CC2D2B: variants seen among roughly 807,000 people sequenced by gnomAD.
CC2D2B encodes the protein protein CC2D2B.
In CC2D2B, 128 loss-of-function variants were observed where a neutral mutation model predicts 161.2. The ratio of observed to expected loss-of-function variants is 0.79; its 90% CI spans 0.69 to 0.92. CC2D2B has a LOEUF of 0.92. Among genes scored for constraint, CC2D2B ranks in the 40% least tolerant of loss-of-function variants. The probability of loss-of-function intolerance (pLI) is 0.00; values close to 1 mark genes in which losing one functional copy is unlikely to be tolerated. For synonymous variants in CC2D2B, 391 were observed against 449.8 expected, an observed-to-expected ratio of 0.87 and a Z score of 1.65; for missense variants, 1,173 against 1,375.1, an observed-to-expected ratio of 0.85 and a Z score of 2.32.
Position 96,024,930 on chromosome 10 carries a change from A to T in CC2D2B, c.3947+19A>T. ...GGAATAGGTACTGTGTTTTCCCCTAATCTCTTGTTGGGTTACCTTTCAGTC... is the reference window on the plus strand; with the variant it reads ...GGAATAGGTACTGTGTTTTCCCCTATTCTCTTGTTGGGTTACCTTTCAGTC... On this transcript the variant is annotated intron_variant, in intron 33 of 34. Coordinates refer to ENST00000646931, the MANE Select transcript of CC2D2B (RefSeq NM_001349008.3). The T allele has an allele frequency of 1.4e-6, 2 of 1,453,542 alleles. No homozygotes were observed. Among genetic ancestry groups the T allele is most frequent in the Non-Finnish European group, 9.4e-7 (1 of 1,061,934 alleles). 90.0% of individuals were successfully genotyped at this position (1,453,542 alleles called of 1,614,324 possible).
chr10:96,012,190 T>C lies in CC2D2B; in HGVS notation c.3051T>C (p.Ser1017=), dbSNP rs1020275366. ...ATACTGATATACTCTTTCAGATTAGTGGAACATTTCAAGTAACTATTCCAC... is the reference window on the plus strand; with the variant it reads ...ATACTGATATACTCTTTCAGATTAGCGGAACATTTCAAGTAACTATTCCAC... The part of the protein sequence containing the change: ...FSALLQQSEI[S]GTFQVTIPPV... The change falls in exon 27 of 35, where the codon AGT becomes AGC. Residue 1017 remains serine (S), a synonymous_variant. Coordinates refer to ENST00000646931, the MANE Select transcript of CC2D2B (RefSeq NM_001349008.3). 3 of 682,220 alleles carry C rather than the reference T, an allele frequency of 4.4e-6. No individual in the cohort carries two copies. The highest frequency in any genetic ancestry group is 3.6e-5 in the African/African-American group (2 of 55,640). 42.3% of individuals were successfully genotyped at this position (682,220 alleles called of 1,614,324 possible).
rs2080116729 is a variant in CC2D2B at position 96,033,271 on chromosome 10, C to T, written c.*1263C>T. 1.3e-5 allele frequency among the ~76,000 whole-genome samples: 2 copies of T among 152,142 alleles called. No homozygotes were observed. Among genetic ancestry groups the T allele is most frequent in the South Asian group, 2.1e-4 (1 of 4,828 alleles). On this transcript the variant is annotated 3_prime_UTR_variant, in exon 35 of 35. Transcript: ENST00000646931. ...GTGCATGGGCTGGTGCCAGAAAAGG[C>T]CTCACTTATTTGTGGTGATGTTAGT... is the stretch of plus-strand genomic sequence containing the variant.
intron 6 of CC2D2B, among the ~76,000 whole-genome samples, chr10:95,935,970 T>C (rs1249641733): frequency 6.6e-6 from 1 of 152,208 alleles, no homozygotes; most frequent in African/African-American, 2.4e-5. Context: ...TGAATATTGA[T>C]TAAATGGGTA....
intron 11 of CC2D2B, among the ~76,000 whole-genome samples, chr10:95,958,137 T>C (rs1334875835): frequency 6.8e-6 from 1 of 147,242 alleles, no homozygotes; most frequent in Admixed American, 6.9e-5. Context: ...GTCATAAAGA[T>C]GCTCAAAGAA....
At chr10:95,971,807 G>T (rs1320203702) in intron 15 of CC2D2B, among the ~76,000 whole-genome samples, 1 of 152,008 alleles carries the variant, frequency 6.6e-6, no homozygotes, top group Non-Finnish European at 1.5e-5. Context: ...TATGTTATAT[G>T]TACCTCATAT....
chr10:95,970,036 C>CTT (rs575422353), intron 15 of CC2D2B, among the ~76,000 whole-genome samples: 5 of 141,978 alleles, frequency 3.5e-5, no homozygotes, highest in Non-Finnish European at 3.1e-5. Flanking sequence ...ATTTTTAATT[C>CTT]TTTTTTTTTT....
Position 95,934,454 on chromosome 10 carries a change from C to A in CC2D2B, c.337-3537C>A, listed in dbSNP as rs868030503. On this transcript the variant is annotated intron_variant, in intron 6 of 34. Coordinates refer to ENST00000646931, the MANE Select transcript of CC2D2B (RefSeq NM_001349008.3). Reference sequence around the variant, plus strand: ...TGGGGTATGAAAAAAAAAAAACAAACAAACAAACAAAAAAACCTCTTGAAG... The same window carrying A: ...TGGGGTATGAAAAAAAAAAAACAAAAAAACAAACAAAAAAACCTCTTGAAG... Among the ~76,000 whole-genome samples the A allele has an allele frequency of 4.8e-3, 710 of 147,148 alleles. 6 individuals are homozygous for A. Among genetic ancestry groups the A allele is most frequent in the African/African-American group, 0.016 (654 of 40,148 alleles).
intron 34 of CC2D2B, among the ~76,000 whole-genome samples, chr10:96,029,809 GTTGTT>G (rs1472729485): frequency 3.4e-5 from 4 of 117,940 alleles, no homozygotes; most frequent in Non-Finnish European, 5.3e-5. Context: ...ATTTTTTATT[GTTGTT>G]TTGTTTTTTT....
intron 23 of CC2D2B, among the ~76,000 whole-genome samples, chr10:95,995,749 T>G (rs1239183422): frequency 6.6e-6 from 1 of 152,218 alleles, no homozygotes; most frequent in Non-Finnish European, 1.5e-5. Flanking sequence ...CGACTTAAAG[T>G]TTCAAAGCAC....
intron 24 of CC2D2B, among the ~76,000 whole-genome samples, chr10:96,000,642 G>A (rs1490879768): frequency 1.3e-5 from 2 of 152,162 alleles, no homozygotes; most frequent in Non-Finnish European, 2.9e-5. Flanking sequence ...GGGATTACAG[G>A]TGTGAGCCAC....
chr10:95,924,651 C>A, intron 4 of CC2D2B, 128 bp from the exon 5 acceptor site: 1 of 654,092 alleles, frequency 1.5e-6, no homozygotes, highest in Non-Finnish European at 2.7e-6. Flanking sequence ...GCTGATATTT[C>A]ATGTACACAT....
rs756148641 is a variant in CC2D2B at position 95,996,184 on chromosome 10, T to G, written c.2781T>G (p.Thr927=). The change falls in exon 24 of 35, where the codon ACT becomes ACG. Residue 927 remains threonine, a synonymous_variant. Transcript: ENST00000646931. ...HPFVEVSFQH[T]VYKTNTASGS... is the part of the protein sequence containing the mutation. ...TCGTGGAAGTTTCTTTCCAGCACAC[T>G]GTATACAAAACCAATACAGCAAGTG... 8 of 1,518,054 alleles carry G rather than the reference T, an allele frequency of 5.3e-6. No homozygotes were observed. The South Asian group carries it at 9.8e-5, about 19-fold the overall frequency. 94.0% of individuals were successfully genotyped at this position (1,518,054 alleles called of 1,614,324 possible). A position where few individuals can be genotyped will look rare whatever the true frequency, so the allele number is the denominator to read the frequency against.
In CC2D2B at chr10:96,032,165, G is replaced by A. The variant is rs1193228965; in HGVS notation, c.*157G>A. On this transcript the variant is annotated 3_prime_UTR_variant, in exon 35 of 35. Coordinates refer to ENST00000646931, the MANE Select transcript of CC2D2B (RefSeq NM_001349008.3). ...ACAGAGCTGGGCACTATGGAGACTC[G>A]CACCCCTGAGTGAGTCTTTGAGGAG... is the stretch of plus-strand genomic sequence containing the variant. 7 of 587,336 alleles carry A rather than the reference G, an allele frequency of 1.2e-5. No homozygotes were observed. Among genetic ancestry groups the A allele is most frequent in the South Asian group, 1.1e-4 (5 of 44,586 alleles). The allele number at this position is 587,336 out of a possible 1,614,324, so 36.4% of individuals were successfully genotyped here.
At chr10:95,989,982 G>A (rs776725894) in intron 20 of CC2D2B, among the ~76,000 whole-genome samples, 1 of 152,160 alleles carries the variant, frequency 6.6e-6, no homozygotes. Context: ...GTCAGTGATG[G>A]CTGAGGCCAG....
intron 32 of CC2D2B, among the ~76,000 whole-genome samples, chr10:96,023,786 G>A (rs904988641): frequency 6.6e-6 from 1 of 152,208 alleles, no homozygotes; most frequent in African/African-American, 2.4e-5. Context: ...GCCAGCGGAA[G>A]GGGAGCTTGT....
At chr10:95,979,744 A>G (rs2077443765) in intron 17 of CC2D2B, among the ~76,000 whole-genome samples, 1 of 152,228 alleles carries the variant, frequency 6.6e-6, no homozygotes, top group Non-Finnish European at 1.5e-5. Context: ...AAACCATAAA[A>G]TTCAGCCAAT....
intron 14 of CC2D2B, among the ~76,000 whole-genome samples, 190 bp from the exon 15 acceptor site, chr10:95,968,534 T>G (rs374696835): frequency 3.9e-5 from 6 of 152,194 alleles, no homozygotes; most frequent in African/African-American, 1.4e-4. Context: ...GTACATCTCT[T>G]TCATTAAAAA....
At chr10:95,947,267 C>T (rs2141325891) in intron 9 of CC2D2B, among the ~76,000 whole-genome samples, 1 of 150,540 alleles carries the variant, frequency 6.6e-6, no homozygotes, top group East Asian at 2.0e-4. Context: ...GACCCATCAC[C>T]ACTCCCGGCT....
chr10:95,974,248 A>T, intron 17 of CC2D2B, 92 bp downstream of exon 17: 1 of 622,182 alleles, frequency 1.6e-6, no homozygotes, highest in Non-Finnish European at 2.3e-6. Context: ...CTTGAGCAGC[A>T]ATAGGAAGAG....
Sources: allele counts gnomAD v4.1 joint callset (sites outside exome capture counted in the v4.1 genomes callset), GRCh38; gene constraint gnomAD v4.1.1; transcripts MANE v1.5; gene names NCBI Gene and HGNC (gene_info 2026-07-23, HGNC 2026-07-21).